The following CADPS variants were observed in gnomAD, a reference collection of about 807,000 sequenced individuals.
CADPS encodes the protein calcium dependent secretion activator.
In CADPS, 57 loss-of-function variants were observed where a neutral mutation model predicts 167.3. The observed-to-expected ratio is 0.34, with a 90% confidence interval of 0.28 to 0.42. The LOEUF is 0.42. Ranked by LOEUF, CADPS falls within the 20% of genes least tolerant of loss-of-function variation. The pLI is 1.00. For synonymous variants in CADPS, 676 were observed against 635.3 expected, an observed-to-expected ratio of 1.06 and a Z score of -0.96; for missense variants, 1,414 against 1,738.1, an observed-to-expected ratio of 0.81 and a Z score of 3.32.
chr3:62,400,051 G>A (rs1032167489), intron 29 of CADPS, among the ~76,000 whole-genome samples: 2 of 152,178 alleles, frequency 1.3e-5, no homozygotes, highest in African/African-American at 4.8e-5. Flanking sequence ...AAGCTGTACT[G>A]ATATCCCTCT....
Position 62,585,474 on chromosome 3 carries a change from C to T in CADPS, c.1438-150G>A. The T allele has an allele frequency of 8.7e-6, 6 of 688,414 alleles. No homozygotes were observed. In the South Asian group the frequency reaches 1.5e-4, roughly 18 times the overall value. 42.6% of individuals were successfully genotyped at this position (688,414 alleles called of 1,614,324 possible). A position where few individuals can be genotyped will look rare whatever the true frequency, so the allele number is the denominator to read the frequency against. On this transcript the variant is annotated intron_variant, in intron 7 of 29. Transcript: ENST00000383710. ...GGGATAGAAACACATTCTTTTGATC[C>T]TTCCTGGCTAATTTTGTAAAAGTAA...
At chr3:62,541,437 G>A (rs2075675300) in intron 11 of CADPS, among the ~76,000 whole-genome samples, 1 of 152,142 alleles carries the variant, frequency 6.6e-6, no homozygotes, top group Non-Finnish European at 1.5e-5. Context: ...AAGCTTGGAT[G>A]GATAACGCTG....
intron 9 of CADPS, among the ~76,000 whole-genome samples, chr3:62,566,622 C>T (rs780143254): frequency 3.9e-5 from 6 of 152,080 alleles, no homozygotes; most frequent in Admixed American, 6.6e-5. Context: ...AAAAATAATG[C>T]AGTATTTTCT....
intron 21 of CADPS, 98 bp downstream of exon 21, chr3:62,491,241 A>G (rs967676410): frequency 3.2e-6 from 4 of 1,267,184 alleles, no homozygotes; most frequent in Middle Eastern, 2.5e-4. Flanking sequence ...TCTGTCCACA[A>G]TAACAGTGAA....
In CADPS at chr3:62,601,098, CA is replaced by C. The variant is rs1174739700; in HGVS notation, c.1326-8351del. Among the ~76,000 whole-genome samples the C allele has an allele frequency of 6.6e-6, 1 of 152,024 alleles. No homozygotes were observed. Among genetic ancestry groups the C allele is most frequent in the Non-Finnish European group, 1.5e-5 (1 of 68,030 alleles). Reference sequence around the variant, plus strand: ...AAGTCTTCATTTTAGGATTATAGACCAGGGGTTGTTAAACTATGGCCATGGG... The same window carrying C: ...AAGTCTTCATTTTAGGATTATAGACCGGGGTTGTTAAACTATGGCCATGGG... On this transcript the variant is annotated intron_variant, in intron 6 of 29. Coordinates refer to ENST00000383710, the MANE Select transcript of CADPS (RefSeq NM_003716.4). The surrounding 1 kb of genome is among the most constrained non-coding windows in gnomAD (Gnocchi z 4.3).
chr3:62,735,004 A>G (rs1213531141), intron 3 of CADPS, among the ~76,000 whole-genome samples: 1 of 152,216 alleles, frequency 6.6e-6, no homozygotes, highest in East Asian at 1.9e-4. Context: ...ACTAAGATGC[A>G]ATTACCTTAT....
chr3:62,567,775 A>G (rs1282226451), intron 9 of CADPS, among the ~76,000 whole-genome samples: 1 of 151,700 alleles, frequency 6.6e-6, no homozygotes, highest in Non-Finnish European at 1.5e-5. Context: ...GGTTTTCACC[A>G]TGTTGCCCAG....
chr3:62,440,502 C>G lies in CADPS; in HGVS notation c.3670-2291G>C, dbSNP rs946639928. 7 of 146,672 alleles carry G rather than the reference C, an allele frequency of 4.8e-5. No individual in the cohort carries two copies. In the Admixed American group the frequency reaches 4.8e-4, roughly 10 times the overall value. The allele number at this position is 146,672 out of a possible 1,614,324, so 9.1% of individuals were successfully genotyped here. A position where few individuals can be genotyped will look rare whatever the true frequency, so the allele number is the denominator to read the frequency against. The stretch of plus-strand genomic sequence containing the variant: ...AACATGAATTACTATGATTCCCCCC[C>G]CCCCCCATAATATTATACCATTCCA... On this transcript the variant is annotated intron_variant, in intron 27 of 29. Transcript: ENST00000383710.
intron 1 of CADPS, among the ~76,000 whole-genome samples, chr3:62,822,906 G>A (rs912413389): frequency 2.6e-5 from 4 of 151,908 alleles, no homozygotes; most frequent in African/African-American, 7.3e-5. Context: ...TTGGCTGATC[G>A]GACATTTCAG....
At position 62,497,317 on chromosome 3, in the gene CADPS, A is replaced by C. The variant is rs574004428; in HGVS notation, c.2706+1845T>G. Among the ~76,000 whole-genome samples the C allele has an allele frequency of 7.6e-4, 116 of 152,312 alleles. 2 individuals are homozygous for C. In the South Asian group the frequency reaches 0.022, roughly 29 times the overall value. On this transcript the variant is annotated intron_variant, in intron 18 of 29. Coordinates refer to ENST00000383710, the MANE Select transcript of CADPS (RefSeq NM_003716.4). The stretch of plus-strand genomic sequence containing the variant: ...TCACTTAAAAGCACAATTGTGACTG[A>C]GAAAACTGTGCTCTTTGTATTTATG...
intron 1 of CADPS, among the ~76,000 whole-genome samples, chr3:62,853,687 C>A (rs2079083792): frequency 6.6e-6 from 1 of 151,300 alleles, no homozygotes; most frequent in South Asian, 2.1e-4. Flanking sequence ...ACAGCCAGGC[C>A]CAGTGGCTCA....
At chr3:62,820,029 GCA>G (rs35394361) in intron 1 of CADPS, among the ~76,000 whole-genome samples, 134,147 of 151,586 alleles carry the variant, frequency 0.88, 59,576 homozygotes, top group East Asian at 1. Flanking sequence ...ATGCATGTGT[GCA>G]CACACACACA....
intron 5 of CADPS, among the ~76,000 whole-genome samples, chr3:62,648,916 T>C (rs2069290940): frequency 6.6e-6 from 1 of 152,046 alleles, no homozygotes; most frequent in African/African-American, 2.4e-5. Flanking sequence ...ACACGGATGA[T>C]TTTTTCACAC....
chr3:62,569,981 G>A (rs1481482325), intron 9 of CADPS, among the ~76,000 whole-genome samples: 1 of 152,116 alleles, frequency 6.6e-6, no homozygotes, highest in Non-Finnish European at 1.5e-5. Context: ...AAATGCTCAA[G>A]AGTAAAGGTG....
intron 2 of CADPS, among the ~76,000 whole-genome samples, chr3:62,757,420 C>A (rs2152446443): frequency 6.6e-6 from 1 of 152,160 alleles, no homozygotes; most frequent in East Asian, 1.9e-4. Context: ...CTTCTTAGTG[C>A]CTGAGACAGT....
At chr3:62,515,605 T>C (rs1561515182) in intron 16 of CADPS, among the ~76,000 whole-genome samples, 1 of 152,012 alleles carries the variant, frequency 6.6e-6, no homozygotes, top group East Asian at 1.9e-4. Context: ...CAAGGTACTT[T>C]TGGGGGCAAG....
At chr3:62,748,019 C>A (rs1304034906) in intron 3 of CADPS, among the ~76,000 whole-genome samples, 7 of 151,842 alleles carry the variant, frequency 4.6e-5, no homozygotes, top group African/African-American at 1.7e-4. Flanking sequence ...GTCTATTTGC[C>A]TTTAAAAATA....
chr3:62,497,330 C>T (rs1216196261), intron 18 of CADPS, among the ~76,000 whole-genome samples: 1 of 152,112 alleles, frequency 6.6e-6, no homozygotes, highest in African/African-American at 2.4e-5. Context: ...AAACTGTGCT[C>T]TTTGTATTTA....
At chr3:62,788,380 A>G (rs1229740274) in intron 1 of CADPS, among the ~76,000 whole-genome samples, 2 of 152,152 alleles carry the variant, frequency 1.3e-5, no homozygotes, top group Admixed American at 1.3e-4. Flanking sequence ...CTGAGTTAAG[A>G]AGAGGTTGAG....
Sources: gnomAD v4.1 joint callset for allele counts (sites outside exome capture counted in the v4.1 genomes callset) on GRCh38, gnomAD v4.1.1 for gene constraint, Gnocchi (gnomAD v3.1) non-coding constraint, MANE v1.5 for transcripts, NCBI Gene and HGNC (gene_info 2026-07-23, HGNC 2026-07-21) for gene names.